The following PITPNM3 variants were observed in gnomAD, a reference collection of about 807,000 sequenced individuals.
PITPNM3 encodes PITPNM family member 3, also known as membrane-associated phosphatidylinositol transfer protein 3.
In PITPNM3, 26 loss-of-function variants were observed where a neutral mutation model predicts 102.0. The observed-to-expected ratio is 0.25, with a 90% CI of 0.19 to 0.35. The LOEUF (loss-of-function observed/expected upper bound fraction) is 0.35, where lower values mean the gene tolerates loss of function less well. PITPNM3 is among the 10% of genes least tolerant of loss of function. The pLI, the probability that PITPNM3 is intolerant of heterozygous loss-of-function variation, is 1.00. For missense variants in PITPNM3, 1,083 were observed against 1,346.1 expected (o/e 0.80, Z 3.06); for synonymous variants, 578 against 558.6 (o/e 1.03, Z -0.49).
Position 6,464,336 on chromosome 17 carries a change from G to A in PITPNM3, c.2008-18C>T, listed in dbSNP as rs1904653370. The A allele has an allele frequency of 6.2e-7, 1 of 1,612,318 alleles. No individual in the cohort carries two copies. The highest frequency in any genetic ancestry group is 2.2e-5 in the East Asian group (1 of 44,874). ...ATGTCCACCTGCGGCAGTGAAGGGG[G>A]TCAGGGACTCCCTGAAGGCTGAGGG... On this transcript the variant is annotated intron_variant, in intron 15 of 19. Transcript: ENST00000262483.
intron 3 of PITPNM3, among the ~76,000 whole-genome samples, chr17:6,509,806 A>G (rs953795669): frequency 6.6e-5 from 10 of 152,170 alleles, no homozygotes; most frequent in African/African-American, 2.4e-4. Flanking sequence ...GGCTTCTAGA[A>G]TAATCTTTCT....
At chr17:6,486,828 C>CT (rs1338954832) in intron 4 of PITPNM3, among the ~76,000 whole-genome samples, 3 of 152,198 alleles carry the variant, frequency 2.0e-5, no homozygotes, top group African/African-American at 7.2e-5. Flanking sequence ...GCACTATGTG[C>CT]TTTACATGAT....
intron 14 of PITPNM3, among the ~76,000 whole-genome samples, chr17:6,465,932 A>T (rs928576650): frequency 1.3e-5 from 2 of 152,088 alleles, no homozygotes; most frequent in Non-Finnish European, 2.9e-5. Flanking sequence ...CTCCTTCCTC[A>T]AAGGCAGTCC....
chr17:6,535,195 C>T (rs1909345407), intron 2 of PITPNM3, among the ~76,000 whole-genome samples: 1 of 129,940 alleles, frequency 7.7e-6, no homozygotes, highest in Admixed American at 7.1e-5. Context: ...AGACCACACC[C>T]AGGGTCAGGG....
chr17:6,474,379 G>A lies in PITPNM3; in HGVS notation c.1258+53C>T, dbSNP rs1043042950. ...TCTCCTCATTCTGAGGCCCTGACAC[G>A]GTGGCCCTAGTGACGCACAGGCACC... On this transcript the variant is annotated intron_variant, in intron 10 of 19. Coordinates refer to ENST00000262483, the MANE Select transcript of PITPNM3 (RefSeq NM_031220.4). The A allele has an allele frequency of 1.6e-5, 26 of 1,578,540 alleles. No homozygotes were observed. In the African/African-American group the frequency reaches 1.9e-4, roughly 11 times the overall value.
chr17:6,515,144 C>T (rs958402106), intron 3 of PITPNM3, among the ~76,000 whole-genome samples: 11 of 151,888 alleles, frequency 7.2e-5, no homozygotes, highest in African/African-American at 2.4e-4. Flanking sequence ...GCCTGTAATC[C>T]CAGCACTTTG....
chr17:6,502,421 G>A (rs1038528954), intron 4 of PITPNM3, among the ~76,000 whole-genome samples: 5 of 152,166 alleles, frequency 3.3e-5, no homozygotes, highest in East Asian at 1.9e-4. Flanking sequence ...GTGCCATTGC[G>A]CTCCAGCCTG....
chr17:6,464,720 G>A lies in PITPNM3; in HGVS notation c.1942C>T (p.Pro648Ser), dbSNP rs141159316. The change falls in exon 15 of 20, where the codon CCC becomes TCC. Residue 648 changes from proline to serine, a missense_variant. By Grantham distance (74) the Pro-to-Ser change is moderately conservative. Coordinates refer to ENST00000262483, the MANE Select transcript of PITPNM3 (RefSeq NM_031220.4). ...ATGAACCGCCCCACCAGGACCTGGGGGCCATCTTCAGCAGCAATCACATCA... is the reference window on the plus strand; with the variant it reads ...ATGAACCGCCCCACCAGGACCTGGGAGCCATCTTCAGCAGCAATCACATCA... Reference protein sequence around the residue: ...ANDVIAAEDGPQVLVGRFMYG... With the variant: ...ANDVIAAEDGSQVLVGRFMYG... 46 of 1,614,190 alleles carry A rather than the reference G, an allele frequency of 2.8e-5. No homozygotes were observed. Among genetic ancestry groups the A allele is most frequent in the Middle Eastern group, 1.6e-4 (1 of 6,062 alleles).
intron 11 of PITPNM3, among the ~76,000 whole-genome samples, chr17:6,471,959 C>T (rs1305309933): frequency 6.6e-6 from 1 of 152,152 alleles, no homozygotes; most frequent in Admixed American, 6.5e-5. Flanking sequence ...GGTTTTTAAT[C>T]CTGAATCGGC....
At chr17:6,496,983 G>GGC (rs1449136737) in intron 4 of PITPNM3, among the ~76,000 whole-genome samples, 20 of 151,966 alleles carry the variant, frequency 1.3e-4, no homozygotes, top group African/African-American at 4.6e-4. Context: ...CAAGTGCAAG[G>GGC]GCACACACAC....
chr17:6,487,079 G>A (rs776684105), intron 4 of PITPNM3, among the ~76,000 whole-genome samples: 8 of 152,134 alleles, frequency 5.3e-5, no homozygotes, highest in African/African-American at 1.2e-4. Flanking sequence ...TGGTGTGTGC[G>A]GCTGTGTGTG....
intron 9 of PITPNM3, among the ~76,000 whole-genome samples, chr17:6,475,190 C>T (rs1407241867): frequency 6.6e-6 from 1 of 152,208 alleles, no homozygotes; most frequent in African/African-American, 2.4e-5. Context: ...CAGATGCAAA[C>T]AGCTTGGTCT....
rs1567656252 is a variant in PITPNM3 at position 6,455,232 on chromosome 17, G to A, written c.*106C>T. On this transcript the variant is annotated 3_prime_UTR_variant, in exon 20 of 20. Transcript: ENST00000262483. ...GGACACTGCTGGACAGACACGGGAG[G>A]GAAAAAGCAGGAAAACGCCTGTGTC... is the stretch of plus-strand genomic sequence containing the variant. 4 of 1,365,252 alleles carry A rather than the reference G, an allele frequency of 2.9e-6. No homozygotes were observed. The highest frequency in any genetic ancestry group is 3.9e-6 in the Non-Finnish European group (4 of 1,022,926). 84.6% of individuals were successfully genotyped at this position (1,365,252 alleles called of 1,614,324 possible).
At chr17:6,493,389 C>T (rs572929909) in intron 4 of PITPNM3, among the ~76,000 whole-genome samples, 10 of 152,290 alleles carry the variant, frequency 6.6e-5, no homozygotes, top group Admixed American at 3.9e-4. Flanking sequence ...TGCTGAGCCT[C>T]GTGTGGGTCA....
Position 6,477,232 on chromosome 17 carries a change from G to C in PITPNM3, c.901-19C>G, listed in dbSNP as rs1022861160. 1.2e-6 allele frequency: 2 copies of C among 1,612,242 alleles called. No individual in the cohort carries two copies. The highest frequency in any genetic ancestry group is 1.7e-6 in the Non-Finnish European group (2 of 1,178,788). On this transcript the variant is annotated intron_variant, in intron 8 of 19. Transcript: ENST00000262483. ...GGGTGTCCTTTGGGACCGAACAGGGGACAGGAGAGAAAAAGACTGTTGTCA... is the reference window on the plus strand; with the variant it reads ...GGGTGTCCTTTGGGACCGAACAGGGCACAGGAGAGAAAAAGACTGTTGTCA...
intron 2 of PITPNM3, among the ~76,000 whole-genome samples, chr17:6,533,489 C>G (rs1909250734): frequency 6.6e-6 from 1 of 150,848 alleles, no homozygotes; most frequent in Non-Finnish European, 1.5e-5. Context: ...GAGTCTCGCC[C>G]TGTCACCCAG....
intron 4 of PITPNM3, among the ~76,000 whole-genome samples, chr17:6,488,845 TTC>T (rs1320230883): frequency 6.6e-6 from 1 of 152,164 alleles, no homozygotes; most frequent in African/African-American, 2.4e-5. Flanking sequence ...TCCTGTTAAT[TTC>T]TGTTTGCATG....
In PITPNM3 at chr17:6,462,232, T is replaced by C. The variant is rs530625882; in HGVS notation, c.2307-676A>G. The stretch of plus-strand genomic sequence containing the variant: ...TGCTTGGTGTGGCTGGCTTTATTAT[T>C]ATCCTCCGCAGTGTTTCCATGGTGA... On this transcript the variant is annotated intron_variant, in intron 17 of 19. Transcript: ENST00000262483. 1.8e-4 allele frequency among the ~76,000 whole-genome samples: 27 copies of C among 152,264 alleles called. No homozygotes were observed. The East Asian group carries it at 5.2e-3, about 29-fold the overall frequency.
chr17:6,468,209 C>T lies in PITPNM3; in HGVS notation c.1890+16G>A. ...GGACACAGTCCCAGCCACATGCGAACTGAGCATGCACGCACCCTCAGCTTG... is the reference window on the plus strand; with the variant it reads ...GGACACAGTCCCAGCCACATGCGAATTGAGCATGCACGCACCCTCAGCTTG... On this transcript the variant is annotated intron_variant, in intron 14 of 19. Transcript: ENST00000262483. This position sits in a 1 kb window ranked among gnomAD's most constrained non-coding sequence, Gnocchi z 5.2. 1.2e-6 allele frequency: 2 copies of T among 1,610,888 alleles called. No individual in the cohort carries two copies. Among genetic ancestry groups the T allele is most frequent in the South Asian group, 1.1e-5 (1 of 90,994 alleles).
Sources: allele counts gnomAD v4.1 joint callset (sites outside exome capture counted in the v4.1 genomes callset), GRCh38; gene constraint gnomAD v4.1.1; non-coding constraint Gnocchi (gnomAD v3.1); transcripts MANE v1.5; gene names NCBI Gene and HGNC (gene_info 2026-07-23, HGNC 2026-07-21).